C6orf163: variants seen among roughly 807,000 people sequenced by gnomAD.
C6orf163 encodes chromosome 6 open reading frame 163, also known as uncharacterized protein C6orf163.
C6orf163 carries 22 observed loss-of-function variants against 28.4 expected under a neutral mutation model. The observed-to-expected ratio is 0.78, with a 90% CI of 0.55 to 1.11. The LOEUF (loss-of-function observed/expected upper bound fraction) is 1.11. C6orf163 is among the 50% of genes least tolerant of loss of function. C6orf163 has a pLI of 0.00. For synonymous variants in C6orf163, 110 were observed against 123.6 expected (o/e 0.89, Z 0.73); for missense variants, 342 against 389.1 (o/e 0.88, Z 1.02).
chr6:87,348,717 C>G, intron 1 of C6orf163, 95 bp from the exon 2 acceptor site: 2 of 1,482,192 alleles, frequency 1.3e-6, no homozygotes, highest in Non-Finnish European at 1.8e-6. Context: ...GGACGTGTCT[C>G]CTAAATAGCC....
intron 2 of C6orf163, among the ~76,000 whole-genome samples, chr6:87,349,555 A>G (rs1361659058): frequency 6.6e-6 from 1 of 152,232 alleles, no homozygotes; most frequent in African/African-American, 2.4e-5. Flanking sequence ...ATAGAATGAC[A>G]TCAATAACTT....
In C6orf163 at chr6:87,365,372, G is replaced by A; in HGVS notation, c.966G>A (p.Lys322=). Residue 322 remains lysine (K), a synonymous_variant, in exon 5 of 5, where the codon AAG becomes AAA. Coordinates refer to ENST00000388923, the MANE Select transcript of C6orf163 (RefSeq NM_001010868.3). Reference sequence around the variant, plus strand: ...AAACACCTTCTAATCTTGTTATTAAGGAGAACAAAACAACTCTTGATTAGA... The same window carrying A: ...AAACACCTTCTAATCTTGTTATTAAAGAGAACAAAACAACTCTTGATTAGA... ...RKKTPSNLVI[K]ENKTTLD 1 of 1,541,752 alleles carries A rather than the reference G, an allele frequency of 6.5e-7. No individual in the cohort carries two copies. The highest frequency in any genetic ancestry group is 2.4e-5 in the East Asian group (1 of 40,838).
At position 87,365,341 on chromosome 6, in the gene C6orf163, G is replaced by T; in HGVS notation, c.935G>T (p.Arg312Ile). The T allele has an allele frequency of 1.3e-6, 2 of 1,550,738 alleles. No homozygotes were observed. Among genetic ancestry groups the T allele is most frequent in the Non-Finnish European group, 1.7e-6 (2 of 1,146,576 alleles). Residue 312 changes from arginine (R) to isoleucine (I), a missense_variant, in exon 5 of 5, where the codon AGA becomes ATA. Physicochemically the swap from Arg to Ile is moderately conservative, Grantham distance 97 (BLOSUM62 -3). Coordinates refer to ENST00000388923, the MANE Select transcript of C6orf163 (RefSeq NM_001010868.3). ...PGHADFILPE[R>I]KKTPSNLVIK... ...CATGCAGATTTTATTCTGCCAGAAA[G>T]AAAGAAAACACCTTCTAATCTTGTT...
In C6orf163 at chr6:87,365,184, G is replaced by A. The variant is rs1391402262; in HGVS notation, c.778G>A (p.Glu260Lys). 4.5e-6 allele frequency: 7 copies of A among 1,551,664 alleles called. No individual in the cohort carries two copies. The highest frequency in any genetic ancestry group is 1.7e-4 in the Middle Eastern group (1 of 6,014). Reference sequence around the variant, plus strand: ...GGATAAACTGGCTAACACCCAGGGGGAGCTGCTGTCTATAGCAAAACAACT... The same window carrying A: ...GGATAAACTGGCTAACACCCAGGGGAAGCTGCTGTCTATAGCAAAACAACT... The part of the protein sequence containing the change: ...MMDKLANTQG[E>K]LLSIAKQLGI... Residue 260 changes from glutamate (E) to lysine (K), a missense_variant, in exon 5 of 5, where the codon GAG (glutamate) becomes AAG (lysine). Glu to Lys is a moderately conservative substitution (Grantham distance 56). Transcript: ENST00000388923.
At chr6:87,352,057 G>A (rs1030101987) in intron 3 of C6orf163, among the ~76,000 whole-genome samples, 22 of 151,996 alleles carry the variant, frequency 1.4e-4, no homozygotes, top group Non-Finnish European at 2.6e-4. Flanking sequence ...TGCATCAGTA[G>A]AAAGAAGCCC....
chr6:87,350,417 A>G lies in C6orf163; in HGVS notation c.267A>G (p.Ala89=). 1 of 1,534,028 alleles carries G rather than the reference A, an allele frequency of 6.5e-7. No individual in the cohort carries two copies. The highest frequency in any genetic ancestry group is 1.2e-5 in the South Asian group (1 of 83,244). Reference sequence around the variant, plus strand: ...AGGCTAATGAACGTCAAAAACAAGCAGTGGAGAAAGCACTTGAAGAAGCAA... The same window carrying G: ...AGGCTAATGAACGTCAAAAACAAGCGGTGGAGAAAGCACTTGAAGAAGCAA... ...WAQANERQKQ[A]VEKALEEAND... The change falls in exon 3 of 5, where the codon GCA becomes GCG. Residue 89 remains alanine, a synonymous_variant. Transcript: ENST00000388923.
At chr6:87,362,424 C>CT (rs1777594155) in intron 4 of C6orf163, among the ~76,000 whole-genome samples, 1 of 152,128 alleles carries the variant, frequency 6.6e-6, no homozygotes, top group African/African-American at 2.4e-5. Flanking sequence ...TTGCAGTGAG[C>CT]CAAGATGGTG....
chr6:87,345,523 C>G (rs1286684058), intron 1 of C6orf163, among the ~76,000 whole-genome samples: 1 of 152,164 alleles, frequency 6.6e-6, no homozygotes, highest in African/African-American at 2.4e-5. Flanking sequence ...GTATTTGTAT[C>G]TATTATAAAT....
chr6:87,356,670 G>A (rs1390909111), intron 4 of C6orf163, among the ~76,000 whole-genome samples, 167 bp downstream of exon 4: 1 of 152,160 alleles, frequency 6.6e-6, no homozygotes, highest in Non-Finnish European at 1.5e-5. Flanking sequence ...TGTAGAGTAT[G>A]TGTGTGGTTT....
chr6:87,358,110 A>C (rs1777533059), intron 4 of C6orf163: 1 of 152,244 alleles, frequency 6.6e-6, no homozygotes, highest in African/African-American at 2.4e-5. Context: ...GAATTTGCAG[A>C]AACTAATATA....
At chr6:87,359,048 A>G (rs1437432082) in intron 4 of C6orf163, 2 of 152,258 alleles carry the variant, frequency 1.3e-5, no homozygotes, top group Non-Finnish European at 2.9e-5. Context: ...ATGTGGCACA[A>G]ATTAAGAGCC....
chr6:87,347,975 G>T, intron 1 of C6orf163: 1 of 650,582 alleles, frequency 1.5e-6, no homozygotes, highest in Non-Finnish European at 1.9e-6. Context: ...GACCAACATG[G>T]TGAAAGCCCG....
At chr6:87,348,930 TA>T in intron 2 of C6orf163, 24 bp downstream of exon 2, 2 of 1,535,878 alleles carry the variant, frequency 1.3e-6, no homozygotes, top group Non-Finnish European at 8.7e-7. Flanking sequence ...CATGTCAACC[TA>T]AAGTCCATCT....
Position 87,356,305 on chromosome 6 carries a change from T to G in C6orf163, c.356T>G (p.Val119Gly). The part of the protein sequence containing the change: ...KEEHQKDLQE[V>G]TAKTKTEMYQ... ...CTAGTTTTGCCATTGCTTCAGGAAG[T>G]GACAGCTAAAACTAAGACAGAGATG... The change falls in exon 4 of 5, where the codon GTG (valine) becomes GGG (glycine). Residue 119 changes from valine (V) to glycine (G), a missense_variant. By Grantham distance (109) the Val-to-Gly change is moderately radical (BLOSUM62 -3). Transcript: ENST00000388923. 1 of 1,551,612 alleles carries G rather than the reference T, an allele frequency of 6.4e-7. No individual in the cohort carries two copies. The highest frequency in any genetic ancestry group is 8.7e-7 in the Non-Finnish European group (1 of 1,146,926).
intron 3 of C6orf163, among the ~76,000 whole-genome samples, chr6:87,354,702 T>C (rs554059945): frequency 6.6e-6 from 1 of 152,326 alleles, no homozygotes; most frequent in Admixed American, 6.5e-5. Context: ...TGATTTCTAG[T>C]GTCTGTTTCA....
chr6:87,346,650 C>T (rs1326803740), intron 1 of C6orf163, among the ~76,000 whole-genome samples: 2 of 152,032 alleles, frequency 1.3e-5, no homozygotes, highest in South Asian at 2.1e-4. Context: ...TTTCATAGGA[C>T]GATAGTTCTC....
chr6:87,348,026 G>C (rs1028123071), intron 1 of C6orf163: 35 of 467,760 alleles, frequency 7.5e-5, no homozygotes, highest in Middle Eastern at 2.1e-3. Flanking sequence ...CATGGTGGTG[G>C]GCGCCTGTAA....
intron 2 of C6orf163, among the ~76,000 whole-genome samples, chr6:87,349,874 G>A (rs1288038873): frequency 6.6e-6 from 1 of 152,174 alleles, no homozygotes; most frequent in Admixed American, 6.5e-5. Flanking sequence ...TGATGCGTTT[G>A]TAAATAGTCT....
intron 3 of C6orf163, among the ~76,000 whole-genome samples, chr6:87,353,279 A>G (rs1239740802): frequency 6.6e-6 from 1 of 152,170 alleles, no homozygotes; most frequent in Non-Finnish European, 1.5e-5. Flanking sequence ...TGATTCAATA[A>G]TTTATTGTAC....
Sources: allele counts gnomAD v4.1 joint callset (sites outside exome capture counted in the v4.1 genomes callset), GRCh38; gene constraint gnomAD v4.1.1; transcripts MANE v1.5; gene names NCBI Gene and HGNC (gene_info 2026-07-23, HGNC 2026-07-21).